GPRIN3: variants seen among roughly 807,000 people sequenced by gnomAD.
GPRIN3 encodes GPRIN family member 3.
A neutral mutation model predicts 13.7 loss-of-function variants in GPRIN3; 12 were observed. That is an observed-to-expected ratio of 0.87 (90% CI 0.56 to 1.42). The LOEUF (loss-of-function observed/expected upper bound fraction) is 1.42. Among genes scored for constraint, GPRIN3 ranks in the 40% most tolerant of loss-of-function variants. The probability of loss-of-function intolerance (pLI) is 0.00; values close to 1 mark genes in which losing one functional copy is unlikely to be tolerated. For missense variants in GPRIN3, 1,009 were observed against 958.7 expected (o/e 1.05, Z -0.69); for synonymous variants, 377 against 372.7 (o/e 1.01, Z -0.13).
Position 89,236,387 on chromosome 4 carries a change from T to A in GPRIN3, c.*11393A>T, listed in dbSNP as rs771103546. On this transcript the variant is annotated 3_prime_UTR_variant, in exon 2 of 2. Transcript: ENST00000609438. ...AAACAAAACAAAACAAAATTCTTAT[T>A]ATTTATCCAGATTTATCAAAAGTTT... 7.2e-5 allele frequency: 11 copies of A among 151,854 alleles called. No homozygotes were observed. The highest frequency in any genetic ancestry group is 1.5e-4 in the Non-Finnish European group (10 of 68,016). 9.4% of individuals were successfully genotyped at this position (151,854 alleles called of 1,614,324 possible). A position where few individuals can be genotyped will look rare whatever the true frequency, so the allele number is the denominator to read the frequency against.
rs949474585 is a variant in GPRIN3 at position 89,246,070 on chromosome 4, G to A, written c.*1710C>T. On this transcript the variant is annotated 3_prime_UTR_variant, in exon 2 of 2. Transcript: ENST00000609438. The stretch of plus-strand genomic sequence containing the variant: ...TTTTTACTAATTTAGGTTGTGTCGA[G>A]TGTAGCTTGTGCTAAGTTCAGGAAT... 19 of 152,294 alleles carry A rather than the reference G, an allele frequency of 1.2e-4. No homozygotes were observed. The highest frequency in any genetic ancestry group is 6.8e-3 in the Middle Eastern group (2 of 294). The allele number at this position is 152,294 out of a possible 1,614,324, so 9.4% of individuals were successfully genotyped here.
chr4:89,247,264 A>T lies in GPRIN3; in HGVS notation c.*516T>A, dbSNP rs1431550. ...TATCTGGCCTAGGAATGAATCAAAT[A>T]TGTTCTCATTTTTTTCATTATGGTT... On this transcript the variant is annotated 3_prime_UTR_variant, in exon 2 of 2. Transcript: ENST00000609438. The T allele has an allele frequency of 0.53, 81,333 of 152,282 alleles. 22,302 individuals are homozygous for T. Among genetic ancestry groups the T allele is most frequent in the South Asian group, 0.75 (3,599 of 4,822 alleles). 9.4% of individuals were successfully genotyped at this position (152,282 alleles called of 1,614,324 possible).
intron 1 of GPRIN3, among the ~76,000 whole-genome samples, chr4:89,254,026 G>T (rs1197096033): frequency 6.6e-6 from 1 of 152,018 alleles, no homozygotes; most frequent in Non-Finnish European, 1.5e-5. Flanking sequence ...ATCAACCAGA[G>T]TCCATTATGG....
At position 89,242,963 on chromosome 4, in the gene GPRIN3, A is replaced by G. The variant is rs1722985449; in HGVS notation, c.*4817T>C. 6.6e-6 allele frequency: 1 copy of G among 152,172 alleles called. No individual in the cohort carries two copies. Among genetic ancestry groups the G allele is most frequent in the Admixed American group, 6.5e-5 (1 of 15,274 alleles). 9.4% of individuals were successfully genotyped at this position (152,172 alleles called of 1,614,324 possible). ...TTGTTTGTTGCTGCTATCTACACAT[A>G]TATACAGATGCACTGGATTTATTTT... is the stretch of plus-strand genomic sequence containing the variant. On this transcript the variant is annotated 3_prime_UTR_variant, in exon 2 of 2. Transcript: ENST00000609438.
At position 89,298,133 on chromosome 4, in the gene GPRIN3, A is replaced by G. The variant is rs569206194; in HGVS notation, c.-124+9482T>C. ...ACACTGAGGTTCTGGTATCCTCATG[A>G]GAAAGAAATTTCTCGTAGTACACAT... On this transcript the variant is annotated intron_variant, in intron 1 of 1. Transcript: ENST00000609438. Among the ~76,000 whole-genome samples, 53 of 152,284 alleles carry G rather than the reference A, an allele frequency of 3.5e-4. 3 individuals carry two copies. The South Asian group carries it at 9.9e-3, about 29-fold the overall frequency.
rs1722833968 is a variant in GPRIN3 at position 89,238,160 on chromosome 4, T to G, written c.*9620A>C. On this transcript the variant is annotated 3_prime_UTR_variant, in exon 2 of 2. Coordinates refer to ENST00000609438, the MANE Select transcript of GPRIN3 (RefSeq NM_198281.3). ...GCAGCTGGAGGGAGAGTATGGCTCT[T>G]GGAAATTTTGAAGCAATCACTGTTT... The G allele has an allele frequency of 6.6e-6, 1 of 151,960 alleles. No individual in the cohort carries two copies. The highest frequency in any genetic ancestry group is 2.4e-5 in the African/African-American group (1 of 41,364). 9.4% of individuals were successfully genotyped at this position (151,960 alleles called of 1,614,324 possible).
chr4:89,293,892 T>C (rs1489114432), intron 1 of GPRIN3, among the ~76,000 whole-genome samples: 1 of 152,270 alleles, frequency 6.6e-6, no homozygotes, highest in African/African-American at 2.4e-5. Flanking sequence ...ATCTTTTCTA[T>C]TCAGAATATG....
intron 1 of GPRIN3, among the ~76,000 whole-genome samples, chr4:89,276,202 C>T (rs1724088829): frequency 1.3e-5 from 2 of 152,164 alleles, no homozygotes. Flanking sequence ...TTAGTATCTA[C>T]TATGCACCAG....
intron 1 of GPRIN3, among the ~76,000 whole-genome samples, chr4:89,291,945 T>C (rs900956161): frequency 5.9e-5 from 9 of 152,000 alleles, no homozygotes; most frequent in Non-Finnish European, 1.2e-4. Flanking sequence ...CCACATTCAG[T>C]TTTTCCTCCT....
intron 1 of GPRIN3, among the ~76,000 whole-genome samples, chr4:89,297,023 C>T (rs1724756423): frequency 6.6e-6 from 1 of 152,198 alleles, no homozygotes; most frequent in Admixed American, 6.5e-5. Context: ...CAGAGTCCTG[C>T]AGTGTAGCAT....
chr4:89,250,164 T>G lies in GPRIN3; in HGVS notation c.-54A>C, dbSNP rs1723288157. 1 of 1,549,264 alleles carries G rather than the reference T, an allele frequency of 6.5e-7. No homozygotes were observed. Among genetic ancestry groups the G allele is most frequent in the Admixed American group, 1.9e-5 (1 of 52,924 alleles). ...CTCTCTTGAGTACTGGTCCCACTGGTGGGGGAGGGGAGCGCAGTCAGAGCT... is the reference window on the plus strand; with the variant it reads ...CTCTCTTGAGTACTGGTCCCACTGGGGGGGGAGGGGAGCGCAGTCAGAGCT... On this transcript the variant is annotated 5_prime_UTR_variant, in exon 2 of 2. Transcript: ENST00000609438.
chr4:89,302,263 T>C (rs1724919848), intron 1 of GPRIN3, among the ~76,000 whole-genome samples: 2 of 152,212 alleles, frequency 1.3e-5, no homozygotes, highest in South Asian at 4.1e-4. Context: ...TGGTCCTTTT[T>C]CCCTTAGCCA....
rs760461221 is a variant in GPRIN3, at chr4:89,246,499, C to G, written c.*1281G>C. 15 of 152,296 alleles carry G rather than the reference C, an allele frequency of 9.8e-5. No individual in the cohort carries two copies. The highest frequency in any genetic ancestry group is 1.8e-4 in the Non-Finnish European group (12 of 68,054). The allele number at this position is 152,296 out of a possible 1,614,324, so 9.4% of individuals were successfully genotyped here. A position where few individuals can be genotyped will look rare whatever the true frequency, so the allele number is the denominator to read the frequency against. The stretch of plus-strand genomic sequence containing the variant: ...TGGAGACACGGGAGGGCCAAGGTCC[C>G]AGGAAGTATAATCCACCCAAATCAC... On this transcript the variant is annotated 3_prime_UTR_variant, in exon 2 of 2. Transcript: ENST00000609438.
At chr4:89,265,806 T>C (rs562946099) in intron 1 of GPRIN3, among the ~76,000 whole-genome samples, 2 of 152,326 alleles carry the variant, frequency 1.3e-5, no homozygotes, top group Non-Finnish European at 2.9e-5. Flanking sequence ...ATATAATTTA[T>C]TTGCCAATAT....
At position 89,292,097 on chromosome 4, in the gene GPRIN3, C is replaced by T. The variant is rs541068456; in HGVS notation, c.-124+15518G>A. 2.6e-5 allele frequency among the ~76,000 whole-genome samples: 4 copies of T among 152,204 alleles called. No individual in the cohort carries two copies. The South Asian group carries it at 6.2e-4, about 24-fold the overall frequency. The stretch of plus-strand genomic sequence containing the variant: ...TGCAGGGATTTGCAAATAACACATG[C>T]TACTTAAATAAATGCTTCTATGTGA... On this transcript the variant is annotated intron_variant, in intron 1 of 1. Transcript: ENST00000609438.
intron 1 of GPRIN3, among the ~76,000 whole-genome samples, chr4:89,262,286 A>G (rs1358670535): frequency 6.6e-6 from 1 of 152,168 alleles, no homozygotes. Flanking sequence ...GAGAAAAATG[A>G]GTATCTTTGC....
At chr4:89,294,168 T>C (rs1367663484) in intron 1 of GPRIN3, among the ~76,000 whole-genome samples, 1 of 152,198 alleles carries the variant, frequency 6.6e-6, no homozygotes, top group African/African-American at 2.4e-5. Context: ...AAAGACTACT[T>C]GAGTGAATTA....
At chr4:89,266,145 G>T (rs1723773310) in intron 1 of GPRIN3, among the ~76,000 whole-genome samples, 1 of 152,302 alleles carries the variant, frequency 6.6e-6, no homozygotes, top group Admixed American at 6.5e-5. Context: ...CTTTGAGCCA[G>T]TGATTCTACC....
intron 1 of GPRIN3, among the ~76,000 whole-genome samples, chr4:89,302,157 T>TA (rs1724916510): frequency 6.6e-6 from 1 of 152,230 alleles, no homozygotes; most frequent in African/African-American, 2.4e-5. Context: ...TAGACAGACT[T>TA]ACTGAATTGA....
Sources: gnomAD v4.1 joint callset for allele counts (sites outside exome capture counted in the v4.1 genomes callset) on GRCh38, gnomAD v4.1.1 for gene constraint, MANE v1.5 for transcripts, NCBI Gene and HGNC (gene_info 2026-07-23, HGNC 2026-07-21) for gene names.